Variants in KIF13A observed in about 807,000 individuals in gnomAD.
KIF13A encodes kinesin-like protein KIF13A.
In KIF13A, 79 loss-of-function variants were observed where a neutral mutation model predicts 212.2. That is an observed-to-expected ratio of 0.37 (90% confidence interval 0.31 to 0.45). The LOEUF is 0.45. KIF13A is among the 20% of genes least tolerant of loss of function. The pLI, the probability that KIF13A is intolerant of heterozygous loss-of-function variation, is 1.00. For synonymous variants in KIF13A, 789 were observed against 808.6 expected, an observed-to-expected ratio of 0.98 and a Z score of 0.41; for missense variants, 1,901 against 2,209.0, an observed-to-expected ratio of 0.86 and a Z score of 2.79.
chr6:17,821,959 A>C lies in KIF13A; in HGVS notation c.1786+3809T>G, dbSNP rs1192066108. 4 of 1,530,206 alleles carry C rather than the reference A, an allele frequency of 2.6e-6. No homozygotes were observed. In the South Asian group the frequency reaches 4.8e-5, roughly 18 times the overall value. 94.8% of individuals were successfully genotyped at this position (1,530,206 alleles called of 1,614,324 possible). On this transcript the variant is annotated intron_variant, in intron 16 of 38. Transcript: ENST00000259711. Reference sequence around the variant, plus strand: ...ACCGTCCAGCCACCGGCACATCAGCACTTGCATCAGAGACTGTGTGTATGC... The same window carrying C: ...ACCGTCCAGCCACCGGCACATCAGCCCTTGCATCAGAGACTGTGTGTATGC...
In KIF13A at chr6:17,984,757, A is replaced by G. The variant is rs1051568356; in HGVS notation, c.146+2297T>C. On this transcript the variant is annotated intron_variant, in intron 2 of 38. Coordinates refer to ENST00000259711, the MANE Select transcript of KIF13A (RefSeq NM_022113.6). The surrounding 1 kb of genome is among the most constrained non-coding windows in gnomAD (Gnocchi z 5.0). ...ATTTGACACAGGTTTGCCAATATGC[A>G]TTTAAAGACCTCTTACACTTCAAAC... Among the ~76,000 whole-genome samples the G allele has an allele frequency of 6.6e-6, 1 of 152,212 alleles. No individual in the cohort carries two copies. Among genetic ancestry groups the G allele is most frequent in the African/African-American group, 2.4e-5 (1 of 41,454 alleles).
At chr6:17,909,948 A>G (rs1773892237) in intron 2 of KIF13A, among the ~76,000 whole-genome samples, 1 of 152,236 alleles carries the variant, frequency 6.6e-6, no homozygotes, top group Non-Finnish European at 1.5e-5. Flanking sequence ...AAATATGTAT[A>G]AAGTTGGACA....
At chr6:17,802,569 C>T (rs1762559610) in intron 20 of KIF13A, among the ~76,000 whole-genome samples, 1 of 151,808 alleles carries the variant, frequency 6.6e-6, no homozygotes, top group African/African-American at 2.4e-5. Context: ...GGATTACAGG[C>T]GTGAGCCACC....
chr6:17,854,632 T>A (rs1410767208), intron 6 of KIF13A, among the ~76,000 whole-genome samples: 1 of 131,922 alleles, frequency 7.6e-6, no homozygotes, highest in Non-Finnish European at 1.5e-5. Context: ...CTCAACTCAC[T>A]GCAACCTCTG....
intron 2 of KIF13A, among the ~76,000 whole-genome samples, chr6:17,943,958 T>C (rs1027633988): frequency 2.0e-5 from 3 of 152,186 alleles, no homozygotes; most frequent in South Asian, 2.1e-4. Context: ...TTATAACTTT[T>C]CTGCATCTAC....
intron 3 of KIF13A, among the ~76,000 whole-genome samples, chr6:17,885,529 A>C (rs1771465595): frequency 6.6e-6 from 1 of 152,236 alleles, no homozygotes; most frequent in Non-Finnish European, 1.5e-5. Context: ...TCTACAAGGC[A>C]TTGTCCCTGA....
rs1288422082 is a variant in KIF13A at position 17,900,423 on chromosome 6, GTCTT to G, written c.147-2247_147-2244del. On this transcript the variant is annotated intron_variant, in intron 2 of 38. Coordinates refer to ENST00000259711, the MANE Select transcript of KIF13A (RefSeq NM_022113.6). The surrounding 1 kb of genome is among the most constrained non-coding windows in gnomAD (Gnocchi z 4.6). ...TTTCAGCATTTTAAGCACTTTAAAA[GTCTT>G]TCTCACTTAGAAGATAGCCCATAAC... Among the ~76,000 whole-genome samples, 1 of 152,176 alleles carries G rather than the reference GTCTT, an allele frequency of 6.6e-6. No homozygotes were observed. The highest frequency in any genetic ancestry group is 2.4e-5 in the African/African-American group (1 of 41,406).
Position 17,777,166 on chromosome 6 carries a change from T to G in KIF13A, c.4170+111A>C, listed in dbSNP as rs1760060207. ...CAGAGAAGCAGGCTACACTTTGGGA[T>G]GCCCACACCAGTTCCATAAGCTCTA... On this transcript the variant is annotated intron_variant, in intron 34 of 38. Transcript: ENST00000259711. The surrounding 1 kb of genome is among the most constrained non-coding windows in gnomAD (Gnocchi z 4.4). The G allele has an allele frequency of 1.2e-6, 1 of 801,504 alleles. No individual in the cohort carries two copies. The highest frequency in any genetic ancestry group is 2.1e-5 in the Admixed American group (1 of 47,900). 49.6% of individuals were successfully genotyped at this position (801,504 alleles called of 1,614,324 possible).
At chr6:17,854,831 G>A (rs761778244) in intron 6 of KIF13A, among the ~76,000 whole-genome samples, 2 of 151,980 alleles carry the variant, frequency 1.3e-5, no homozygotes, top group African/African-American at 2.4e-5. Flanking sequence ...GGGATTACAG[G>A]TATGAGTCAC....
chr6:17,955,343 T>G (rs533897675), intron 2 of KIF13A, among the ~76,000 whole-genome samples: 8 of 152,226 alleles, frequency 5.3e-5, no homozygotes, highest in Middle Eastern at 6.8e-3. Flanking sequence ...ACAAACTCTA[T>G]TCTACCAATT....
intron 9 of KIF13A, among the ~76,000 whole-genome samples, chr6:17,840,637 A>G (rs1766419575): frequency 6.6e-6 from 1 of 152,194 alleles, no homozygotes; most frequent in Non-Finnish European, 1.5e-5. Flanking sequence ...TGTGGCAACT[A>G]CTTATAATTT....
chr6:17,785,618 G>C lies in KIF13A; in HGVS notation c.3385C>G (p.Arg1129Gly). Reference protein sequence around the residue: ...KTEKTEDDVEREAQLVEQWVG... With the variant: ...KTEKTEDDVEGEAQLVEQWVG... ...CACTGCTCCACAAGCTGGGCTTCCCGCTCCACATCGTCCTCTGTTTTCTCT... is the reference window on the plus strand; with the variant it reads ...CACTGCTCCACAAGCTGGGCTTCCCCCTCCACATCGTCCTCTGTTTTCTCT... The change falls in exon 28 of 39, where the codon CGG becomes GGG. Residue 1129 changes from arginine (R) to glycine (G), a missense_variant. By Grantham distance (125) the Arg-to-Gly change is moderately radical. Transcript: ENST00000259711. The surrounding 1 kb of genome is among the most constrained non-coding windows in gnomAD (Gnocchi z 5.8). The C allele has an allele frequency of 6.2e-7, 1 of 1,605,520 alleles. No homozygotes were observed.
At chr6:17,857,956 T>C (rs1165532544) in intron 4 of KIF13A, among the ~76,000 whole-genome samples, 1 of 151,970 alleles carries the variant, frequency 6.6e-6, no homozygotes, top group South Asian at 2.1e-4. Context: ...ATAACATTTT[T>C]AAAAACAATA....
rs536603090 is a variant in KIF13A at position 17,816,460 on chromosome 6, T to C, written c.2000+560A>G. 3.0e-4 allele frequency among the ~76,000 whole-genome samples: 45 copies of C among 152,174 alleles called. No homozygotes were observed. The highest frequency in any genetic ancestry group is 6.5e-4 in the Non-Finnish European group (44 of 68,006). ...TCAAGCGATCCTCCCAGTGACCTTA[T>C]AGGCATGCACCACCACGCCTGGGTA... On this transcript the variant is annotated intron_variant, in intron 17 of 38. Transcript: ENST00000259711. The surrounding 1 kb of genome is among the most constrained non-coding windows in gnomAD (Gnocchi z 4.3).
In KIF13A at chr6:17,961,955, AC is replaced by A. The variant is rs1268903081; in HGVS notation, c.146+25098del. On this transcript the variant is annotated intron_variant, in intron 2 of 38. Coordinates refer to ENST00000259711, the MANE Select transcript of KIF13A (RefSeq NM_022113.6). This position sits in a 1 kb window ranked among gnomAD's most constrained non-coding sequence, Gnocchi z 4.1. ...TTGACAATCAAGGTTTAATAGTTCA[AC>A]GGGCAATGGTTTTTCTTTTGTGTGG... Among the ~76,000 whole-genome samples the A allele has an allele frequency of 6.6e-6, 1 of 152,136 alleles. No individual in the cohort carries two copies. Among genetic ancestry groups the A allele is most frequent in the African/African-American group, 2.4e-5 (1 of 41,424 alleles).
At chr6:17,938,361 C>T (rs932024230) in intron 2 of KIF13A, among the ~76,000 whole-genome samples, 16 of 152,146 alleles carry the variant, frequency 1.1e-4, no homozygotes, top group African/African-American at 3.4e-4. Flanking sequence ...ACACAAAACA[C>T]GACCAATGTA....
intron 4 of KIF13A, among the ~76,000 whole-genome samples, chr6:17,870,869 G>A (rs186316789): frequency 6.6e-5 from 10 of 152,196 alleles, no homozygotes; most frequent in Non-Finnish European, 1.0e-4. Flanking sequence ...TATCATTTAC[G>A]GGAACCTTCC....
chr6:17,865,335 A>AT (rs78982093), intron 4 of KIF13A, among the ~76,000 whole-genome samples: 72,880 of 151,386 alleles, frequency 0.48, 17,606 homozygotes, highest in East Asian at 0.58. Context: ...GGAAAAAAAA[A>AT]AAATAAAGGC....
chr6:17,765,457 A>T (rs972364238), intron 38 of KIF13A, among the ~76,000 whole-genome samples: 2 of 152,190 alleles, frequency 1.3e-5, no homozygotes, highest in African/African-American at 4.8e-5. Flanking sequence ...GAAGAGAGTA[A>T]AACAAAGAAC....
Sources: gnomAD v4.1 joint callset for allele counts (sites outside exome capture counted in the v4.1 genomes callset) on GRCh38, gnomAD v4.1.1 for gene constraint, Gnocchi (gnomAD v3.1) non-coding constraint, MANE v1.5 for transcripts, NCBI Gene and HGNC (gene_info 2026-07-23, HGNC 2026-07-21) for gene names.